Variants in PLCL2 observed in about 807,000 individuals in gnomAD.
The protein encoded by PLCL2 is phospholipase C like 2.
PLCL2 carries 4 observed loss-of-function variants against 79.6 expected under a neutral mutation model. The observed-to-expected ratio is 0.05, with a 90% confidence interval of 0.02 to 0.11. The LOEUF (loss-of-function observed/expected upper bound fraction) is 0.11, where lower values mean the gene tolerates loss of function less well. Among genes scored for constraint, PLCL2 ranks in the 10% least tolerant of loss-of-function variants. The pLI is 1.00. For missense variants in PLCL2, 895 were observed against 1,291.0 expected (o/e 0.69, Z 4.70); for synonymous variants, 484 against 457.7 (o/e 1.06, Z -0.73).
chr3:17,005,287 C>G (rs1316024483), intron 1 of PLCL2, among the ~76,000 whole-genome samples: 1 of 152,172 alleles, frequency 6.6e-6, no homozygotes, highest in Non-Finnish European at 1.5e-5. Context: ...TCTTGTTCCT[C>G]TTCTCCAGAG....
chr3:16,917,082 T>A (rs1015219362), intron 1 of PLCL2, among the ~76,000 whole-genome samples: 11 of 152,194 alleles, frequency 7.2e-5, no homozygotes, highest in Admixed American at 3.3e-4. Context: ...AGCCTTTTCC[T>A]GGTACTTAGC....
intron 1 of PLCL2, among the ~76,000 whole-genome samples, chr3:16,942,918 A>G (rs556465089): frequency 6.6e-6 from 1 of 152,308 alleles, no homozygotes; most frequent in South Asian, 2.1e-4. Context: ...GGCATGCCTA[A>G]CTTTTCTTTA....
At chr3:17,026,616 C>G (rs904607776) in intron 3 of PLCL2, among the ~76,000 whole-genome samples, 1 of 152,148 alleles carries the variant, frequency 6.6e-6, no homozygotes, top group African/African-American at 2.4e-5. Flanking sequence ...ATTACTCATG[C>G]TGTAATCCCA....
rs1575591447 is a variant in PLCL2, at chr3:17,022,500, A to T, written c.3018+7589A>T. Among the ~76,000 whole-genome samples the T allele has an allele frequency of 2.0e-5, 3 of 152,032 alleles. No homozygotes were observed. The South Asian group carries it at 6.2e-4, about 32-fold the overall frequency. ...TGTCAAGGACCCTTACAGGAAATTT[A>T]AAAAAAAGAAAGAAAGAAAGAAAAG... On this transcript the variant is annotated intron_variant, in intron 3 of 5. Transcript: ENST00000615277.
At chr3:17,054,768 C>G (rs905201187) in intron 4 of PLCL2, among the ~76,000 whole-genome samples, 7 of 152,180 alleles carry the variant, frequency 4.6e-5, no homozygotes, top group Admixed American at 3.9e-4. Context: ...GATGGAGACA[C>G]AGATCCAAAT....
At chr3:16,968,285 G>C (rs1452487885) in intron 1 of PLCL2, among the ~76,000 whole-genome samples, 1 of 151,986 alleles carries the variant, frequency 6.6e-6, no homozygotes, top group Non-Finnish European at 1.5e-5. Flanking sequence ...TTTTAACATA[G>C]TTTTTTTCTA....
intron 4 of PLCL2, among the ~76,000 whole-genome samples, chr3:17,046,700 A>C (rs1477764354): frequency 6.6e-6 from 1 of 152,234 alleles, no homozygotes; most frequent in East Asian, 1.9e-4. Flanking sequence ...ACAAAATTCT[A>C]GAAACTGAGT....
rs1470287304 is a variant in PLCL2, at chr3:16,961,993, C to T, written c.328-47681C>T. ...GGGTGCCCAGCATCTCAGCTCCTGCCGGGAGGAATCTGGGACTGATGAGCA... is the reference window on the plus strand; with the variant it reads ...GGGTGCCCAGCATCTCAGCTCCTGCTGGGAGGAATCTGGGACTGATGAGCA... On this transcript the variant is annotated intron_variant, in intron 1 of 5. Transcript: ENST00000615277. 2.6e-5 allele frequency among the ~76,000 whole-genome samples: 4 copies of T among 152,014 alleles called. No homozygotes were observed. The East Asian group carries it at 5.8e-4, about 22-fold the overall frequency.
intron 3 of PLCL2, among the ~76,000 whole-genome samples, chr3:17,017,405 C>G (rs1307183840): frequency 2.6e-5 from 4 of 151,914 alleles, no homozygotes; most frequent in Non-Finnish European, 5.9e-5. Context: ...ATGGCTGCAG[C>G]AATATTATAA....
intron 1 of PLCL2, among the ~76,000 whole-genome samples, chr3:16,908,274 A>G (rs1188414230): frequency 6.6e-6 from 1 of 152,202 alleles, no homozygotes; most frequent in Non-Finnish European, 1.5e-5. Flanking sequence ...CAGACACCGT[A>G]TTATCCATAA....
chr3:16,997,774 A>G (rs1003759459), intron 1 of PLCL2, among the ~76,000 whole-genome samples: 1 of 151,834 alleles, frequency 6.6e-6, no homozygotes, highest in African/African-American at 2.4e-5. Context: ...TCCTGACCTC[A>G]TGATCCACCT....
At chr3:16,996,213 A>G (rs2064151209) in intron 1 of PLCL2, among the ~76,000 whole-genome samples, 1 of 152,168 alleles carries the variant, frequency 6.6e-6, no homozygotes. Flanking sequence ...GAGAGCACTC[A>G]AGAACTGGCA....
intron 1 of PLCL2, among the ~76,000 whole-genome samples, chr3:16,972,002 A>G (rs2124979774): frequency 6.6e-6 from 1 of 152,210 alleles, no homozygotes; most frequent in Middle Eastern, 3.4e-3. Context: ...AAAACTCTCA[A>G]TAAATTAGGT....
intron 1 of PLCL2, among the ~76,000 whole-genome samples, chr3:16,933,626 C>G (rs752086796): frequency 3.4e-5 from 5 of 148,188 alleles, no homozygotes; most frequent in Admixed American, 6.7e-5. Flanking sequence ...ATTTTTATTT[C>G]TTTTTTTTTT....
chr3:17,081,227 A>T (rs1275397629), intron 5 of PLCL2: 3 of 456,510 alleles, frequency 6.6e-6, no homozygotes, highest in Non-Finnish European at 1.3e-5. Context: ...TGTGCCTCAG[A>T]CTCCCATAAT....
intron 1 of PLCL2, among the ~76,000 whole-genome samples, chr3:16,975,227 C>T (rs1806556): frequency 0.6 from 91,371 of 151,998 alleles, 27,923 homozygotes; most frequent in African/African-American, 0.71. Context: ...AGACTTGTCA[C>T]GGGGTTTGTT....
At chr3:16,964,649 G>T (rs1189718650) in intron 1 of PLCL2, among the ~76,000 whole-genome samples, 5 of 151,910 alleles carry the variant, frequency 3.3e-5, no homozygotes, top group Non-Finnish European at 7.4e-5. Flanking sequence ...GTGTAAAAGT[G>T]TTCCTATTTC....
chr3:16,926,108 A>T (rs986418167), intron 1 of PLCL2, among the ~76,000 whole-genome samples: 25 of 152,022 alleles, frequency 1.6e-4, no homozygotes, highest in Non-Finnish European at 1.5e-5. Context: ...TAAAATTATT[A>T]TTTTTTTTGA....
At chr3:16,937,664 T>C (rs1697572869) in intron 1 of PLCL2, among the ~76,000 whole-genome samples, 1 of 152,236 alleles carries the variant, frequency 6.6e-6, no homozygotes, top group African/African-American at 2.4e-5. Context: ...CCAAAGTTTG[T>C]TTCAAAAACC....
Sources: allele counts gnomAD v4.1 joint callset (sites outside exome capture counted in the v4.1 genomes callset), GRCh38; gene constraint gnomAD v4.1.1; transcripts MANE v1.5; gene names NCBI Gene and HGNC (gene_info 2026-07-23, HGNC 2026-07-21).